CCSER1: variants seen among roughly 807,000 people sequenced by gnomAD.
The protein encoded by CCSER1 is serine-rich coiled-coil domain-containing protein 1.
A neutral mutation model predicts 82.0 loss-of-function variants in CCSER1; 41 were observed. The observed-to-expected ratio is 0.50, with a 90% CI of 0.39 to 0.65. The LOEUF (loss-of-function observed/expected upper bound fraction) is 0.65, where lower values mean the gene tolerates loss of function less well. CCSER1 is among the 30% of genes least tolerant of loss of function. The pLI is 0.00. For synonymous variants in CCSER1, 414 were observed against 383.9 expected (o/e 1.08, Z -0.92); for missense variants, 1,119 against 1,064.2 (o/e 1.05, Z -0.72).
At chr4:90,255,341 C>T (rs898472365) in intron 1 of CCSER1, among the ~76,000 whole-genome samples, 2 of 152,030 alleles carry the variant, frequency 1.3e-5, no homozygotes, top group South Asian at 4.1e-4. Context: ...ACCAGGGAAT[C>T]TGCGCAATCA....
intron 10 of CCSER1, among the ~76,000 whole-genome samples, chr4:91,349,854 T>C (rs975854199): frequency 3.4e-5 from 5 of 147,464 alleles, no homozygotes; most frequent in Non-Finnish European, 7.4e-5. Context: ...AATTACAGTT[T>C]AGGGTTTCCT....
At chr4:91,510,256 G>A (rs764061040) in intron 10 of CCSER1, among the ~76,000 whole-genome samples, 23 of 152,064 alleles carry the variant, frequency 1.5e-4, no homozygotes, top group African/African-American at 3.4e-4. Context: ...ATCCACTGCC[G>A]ATGGGCCCTT....
chr4:91,065,972 A>C (rs1449127341), intron 9 of CCSER1, among the ~76,000 whole-genome samples: 3 of 152,206 alleles, frequency 2.0e-5, no homozygotes. Flanking sequence ...AATTATATGA[A>C]GTGTACAATT....
chr4:90,222,372 G>T (rs540478389), intron 1 of CCSER1, among the ~76,000 whole-genome samples: 1 of 152,054 alleles, frequency 6.6e-6, no homozygotes, highest in Non-Finnish European at 1.5e-5. Flanking sequence ...CCACCACATT[G>T]AAACATTTCC....
chr4:91,172,984 T>C (rs1732926813), intron 10 of CCSER1, among the ~76,000 whole-genome samples: 2 of 152,184 alleles, frequency 1.3e-5, no homozygotes, highest in Admixed American at 1.3e-4. Context: ...TAATAGCACA[T>C]TTGATGTGCT....
intron 5 of CCSER1, among the ~76,000 whole-genome samples, chr4:90,487,832 G>C (rs1767349704): frequency 6.6e-6 from 1 of 152,012 alleles, no homozygotes; most frequent in African/African-American, 2.4e-5. Flanking sequence ...AGTAGAGATG[G>C]AGTTTCACCA....
chr4:91,395,971 G>A (rs2149354636), intron 10 of CCSER1, among the ~76,000 whole-genome samples: 1 of 152,150 alleles, frequency 6.6e-6, no homozygotes, highest in South Asian at 2.1e-4. Context: ...AAGAATATAT[G>A]TTTGCCTGGC....
At chr4:90,944,809 G>A (rs555429923) in intron 9 of CCSER1, among the ~76,000 whole-genome samples, 1 of 152,238 alleles carries the variant, frequency 6.6e-6, no homozygotes, top group South Asian at 2.1e-4. Flanking sequence ...GAGATTAGAA[G>A]TTACCTGTTT....
chr4:91,123,332 C>T (rs760236448), intron 10 of CCSER1, among the ~76,000 whole-genome samples: 1 of 151,630 alleles, frequency 6.6e-6, no homozygotes, highest in Non-Finnish European at 1.5e-5. Flanking sequence ...ACAAAAGAAT[C>T]AGTAAAATAT....
At chr4:90,742,349 C>T (rs531559989) in intron 7 of CCSER1, among the ~76,000 whole-genome samples, 3 of 152,166 alleles carry the variant, frequency 2.0e-5, no homozygotes, top group African/African-American at 7.2e-5. Flanking sequence ...ATGCTATAGA[C>T]TGAAGATTTA....
At chr4:90,507,021 C>T (rs752461018) in intron 5 of CCSER1, among the ~76,000 whole-genome samples, 6 of 151,996 alleles carry the variant, frequency 3.9e-5, no homozygotes, top group African/African-American at 9.7e-5. Context: ...TTATTGCATA[C>T]GTTTACTATC....
At chr4:91,396,740 TA>T (rs1465775257) in intron 10 of CCSER1, among the ~76,000 whole-genome samples, 1 of 151,992 alleles carries the variant, frequency 6.6e-6, no homozygotes, top group East Asian at 1.9e-4. Context: ...CCAAGGGAAA[TA>T]AAAATATTAC....
At chr4:90,691,507 TATATTACATGTGTAC>T (rs1321819381) in intron 6 of CCSER1, among the ~76,000 whole-genome samples, 1 of 151,874 alleles carries the variant, frequency 6.6e-6, no homozygotes, top group Non-Finnish European at 1.5e-5. Context: ...AACGTGTGTA[TATATTACATGTGTAC>T]ATATCACACG....
intron 1 of CCSER1, among the ~76,000 whole-genome samples, chr4:90,155,419 T>C (rs2153356987): frequency 6.6e-6 from 1 of 152,288 alleles, no homozygotes; most frequent in Non-Finnish European, 1.5e-5. Flanking sequence ...GGATTCCCTC[T>C]TTTTCTGTTG....
At chr4:91,523,539 C>T (rs761692495) in intron 10 of CCSER1, among the ~76,000 whole-genome samples, 1 of 152,118 alleles carries the variant, frequency 6.6e-6, no homozygotes, top group African/African-American at 2.4e-5. Flanking sequence ...TTAATTATTG[C>T]CTCGATTTCA....
chr4:91,585,654 TG>T (rs2110326418), intron 10 of CCSER1, among the ~76,000 whole-genome samples: 1 of 151,604 alleles, frequency 6.6e-6, no homozygotes, highest in East Asian at 1.9e-4. Flanking sequence ...CTGAGTTACC[TG>T]TCAGGTAAAA....
At chr4:90,717,769 G>T (rs1039685550) in intron 6 of CCSER1, among the ~76,000 whole-genome samples, 1 of 146,974 alleles carries the variant, frequency 6.8e-6, no homozygotes, top group Non-Finnish European at 1.5e-5. Flanking sequence ...CACATATATA[G>T]TGTATATATA....
At chr4:91,141,372 G>A (rs1021850975) in intron 10 of CCSER1, among the ~76,000 whole-genome samples, 2 of 152,034 alleles carry the variant, frequency 1.3e-5, no homozygotes, top group African/African-American at 2.4e-5. Flanking sequence ...GGGTGGTCTC[G>A]AACTCCTGAC....
At chr4:90,310,054 C>A (rs545323552) in intron 2 of CCSER1, among the ~76,000 whole-genome samples, 2 of 151,832 alleles carry the variant, frequency 1.3e-5, no homozygotes, top group Non-Finnish European at 2.9e-5. Context: ...TAATTTAATA[C>A]GAATTTTATA....
Sources: allele counts gnomAD v4.1 joint callset (sites outside exome capture counted in the v4.1 genomes callset), GRCh38; gene constraint gnomAD v4.1.1; transcripts MANE v1.5; gene names NCBI Gene and HGNC (gene_info 2026-07-23, HGNC 2026-07-21).